PTPRD: variants seen among roughly 807,000 people sequenced by gnomAD.
The protein encoded by PTPRD is protein tyrosine phosphatase receptor type D.
A neutral mutation model predicts 214.5 loss-of-function variants in PTPRD; 34 were observed. The ratio of observed to expected loss-of-function variants is 0.16; its 90% CI spans 0.12 to 0.21. The LOEUF is 0.21. Ranked by LOEUF, PTPRD falls within the 10% of genes least tolerant of loss-of-function variation. The probability of loss-of-function intolerance (pLI) is 1.00; values close to 1 mark genes in which losing one functional copy is unlikely to be tolerated. For missense variants in PTPRD, 2,545 were observed against 2,398.7 expected (o/e 1.06, Z -1.27); for synonymous variants, 1,128 against 845.7 (o/e 1.33, Z -5.79).
chr9:10,273,283 T>C (rs904688479), intron 3 of PTPRD, among the ~76,000 whole-genome samples: 4 of 152,150 alleles, frequency 2.6e-5, no homozygotes, highest in African/African-American at 7.2e-5. Flanking sequence ...TGATTTCATA[T>C]TGCCACACCA....
chr9:10,149,746 T>C (rs2099048013), intron 3 of PTPRD, among the ~76,000 whole-genome samples: 1 of 151,240 alleles, frequency 6.6e-6, no homozygotes, highest in African/African-American at 2.4e-5. Flanking sequence ...TTTTTTTTTT[T>C]CTGAGATGGA....
At chr9:9,803,099 A>C (rs914039056) in intron 5 of PTPRD, among the ~76,000 whole-genome samples, 2 of 151,968 alleles carry the variant, frequency 1.3e-5, no homozygotes, top group African/African-American at 4.8e-5. Context: ...AAAATCTATA[A>C]TTAGGTAAAT....
intron 17 of PTPRD, among the ~76,000 whole-genome samples, 182 bp downstream of exon 17, chr9:8,526,445 A>T (rs997098418): frequency 6.6e-6 from 1 of 152,000 alleles, no homozygotes; most frequent in Non-Finnish European, 1.5e-5. Context: ...AAAGAGAGAA[A>T]GAAAAAGGAA....
intron 11 of PTPRD, among the ~76,000 whole-genome samples, chr9:8,755,743 TA>T (rs930822039): frequency 2.0e-4 from 31 of 152,136 alleles, no homozygotes; most frequent in African/African-American, 7.5e-4. Context: ...TTGAAGAAAC[TA>T]AATTGATCAC....
chr9:9,441,682 T>C (rs2087897654), intron 8 of PTPRD, among the ~76,000 whole-genome samples: 1 of 152,132 alleles, frequency 6.6e-6, no homozygotes, highest in African/African-American at 2.4e-5. Flanking sequence ...CACTTTAGAA[T>C]AATTTAGAGT....
At chr9:9,053,009 T>C (rs2099689324) in intron 10 of PTPRD, among the ~76,000 whole-genome samples, 1 of 152,168 alleles carries the variant, frequency 6.6e-6, no homozygotes, top group Non-Finnish European at 1.5e-5. Context: ...TAGTTTTAGA[T>C]GGTGAATGAC....
rs544469274 is a variant in PTPRD at position 10,053,331 on chromosome 9, T to G, written c.-544-19541A>C. ...TTATTTCTGCAATCATATTCTCTTT[T>G]GTTCTTAGTATTCCAAGATGAGGTA... On this transcript the variant is annotated intron_variant, in intron 3 of 45. Coordinates refer to ENST00000381196, the MANE Select transcript of PTPRD (RefSeq NM_002839.4). Among the ~76,000 whole-genome samples the G allele has an allele frequency of 1.6e-4, 25 of 152,316 alleles. No homozygotes were observed. The East Asian group carries it at 4.4e-3, about 27-fold the overall frequency.
intron 6 of PTPRD, among the ~76,000 whole-genome samples, chr9:9,734,793 G>A (rs1171584441): frequency 6.6e-6 from 1 of 151,948 alleles, no homozygotes; most frequent in Non-Finnish European, 1.5e-5. Flanking sequence ...AAAAGGAAAT[G>A]TTCTAGCTCT....
chr9:9,447,302 G>C (rs1022348966), intron 8 of PTPRD, among the ~76,000 whole-genome samples: 1 of 151,922 alleles, frequency 6.6e-6, no homozygotes, highest in Non-Finnish European at 1.5e-5. Flanking sequence ...AAGTAAATGT[G>C]CTATATATGT....
At chr9:8,414,920 AGAGGGAGGGG>A (rs1182351029) in intron 35 of PTPRD, among the ~76,000 whole-genome samples, 6 of 74,896 alleles carry the variant, frequency 8.0e-5, no homozygotes, top group Non-Finnish European at 1.2e-4. Context: ...AGGGGGAGAG[AGAGGGAGGGG>A]GAGAGAGAGA....
At chr9:9,135,470 C>G (rs1377147586) in intron 10 of PTPRD, among the ~76,000 whole-genome samples, 1 of 152,104 alleles carries the variant, frequency 6.6e-6, no homozygotes. Flanking sequence ...ATGGCTGCCA[C>G]CAGGACTTCT....
chr9:9,394,999 A>G (rs1232890857), intron 9 of PTPRD, among the ~76,000 whole-genome samples: 1 of 152,060 alleles, frequency 6.6e-6, no homozygotes, highest in Non-Finnish European at 1.5e-5. Flanking sequence ...TAGAGAAGCT[A>G]TTTTGGTACA....
chr9:10,029,573 T>G (rs1307702722), intron 4 of PTPRD, among the ~76,000 whole-genome samples: 4 of 152,190 alleles, frequency 2.6e-5, no homozygotes, highest in African/African-American at 9.6e-5. Context: ...CTGCTGGATT[T>G]TGGATTTGCA....
intron 5 of PTPRD, among the ~76,000 whole-genome samples, chr9:9,850,662 C>T (rs72692706): frequency 0.014 from 2,206 of 152,160 alleles, 19 homozygotes; most frequent in Middle Eastern, 0.031. Flanking sequence ...TATTGTATCA[C>T]ATATTTGTTT....
intron 4 of PTPRD, among the ~76,000 whole-genome samples, chr9:10,024,930 T>C (rs2096894047): frequency 6.6e-6 from 1 of 151,854 alleles, no homozygotes; most frequent in Non-Finnish European, 1.5e-5. Flanking sequence ...GGTTTCCAGC[T>C]TCATCCATGT....
At chr9:10,344,734 T>C (rs895620551) in intron 2 of PTPRD, among the ~76,000 whole-genome samples, 5 of 151,996 alleles carry the variant, frequency 3.3e-5, no homozygotes, top group Non-Finnish European at 7.4e-5. Context: ...TTCTCATTGG[T>C]CCTTCACATC....
chr9:9,604,355 G>A (rs1403448532), intron 7 of PTPRD, among the ~76,000 whole-genome samples: 1 of 151,952 alleles, frequency 6.6e-6, no homozygotes, highest in African/African-American at 2.4e-5. Flanking sequence ...ACTTAAGCAA[G>A]GGTATAAGCA....
chr9:9,238,828 T>A (rs1191744075), intron 9 of PTPRD, among the ~76,000 whole-genome samples: 3 of 152,194 alleles, frequency 2.0e-5, no homozygotes, highest in African/African-American at 7.2e-5. Flanking sequence ...TCCACGTATC[T>A]GATTAAATTG....
intron 28 of PTPRD, 32 bp from the exon 29 acceptor site, chr9:8,485,356 C>G (rs532745792): frequency 2.0e-6 from 3 of 1,509,990 alleles, no homozygotes; most frequent in Admixed American, 3.4e-5. Context: ...TGTATTTAAA[C>G]TATTCTTAAA....
Sources: gnomAD v4.1 joint callset for allele counts (sites outside exome capture counted in the v4.1 genomes callset) on GRCh38, gnomAD v4.1.1 for gene constraint, MANE v1.5 for transcripts, NCBI Gene and HGNC (gene_info 2026-07-23, HGNC 2026-07-21) for gene names.